The following RAB27A variants were observed in gnomAD, a reference collection of about 807,000 sequenced individuals.
RAB27A encodes the protein ras-related protein Rab-27A.
In RAB27A, 17 loss-of-function variants were observed where a neutral mutation model predicts 20.8. The ratio of observed to expected loss-of-function variants is 0.82; its 90% CI spans 0.56 to 1.23. RAB27A has a LOEUF of 1.23. Among genes scored for constraint, RAB27A ranks in the 50% most tolerant of loss-of-function variants. The pLI, the probability that RAB27A is intolerant of heterozygous loss-of-function variation, is 0.00. For synonymous variants in RAB27A, 85 were observed against 92.8 expected (o/e 0.92, Z 0.48); for missense variants, 277 against 266.7 (o/e 1.04, Z -0.27).
intron 2 of RAB27A, among the ~76,000 whole-genome samples, chr15:55,313,767 A>G (rs1338734855): frequency 6.6e-6 from 1 of 151,960 alleles, no homozygotes; most frequent in African/African-American, 2.4e-5. Flanking sequence ...AGGTCAGGAG[A>G]TCAAGACCAT....
intron 1 of RAB27A, among the ~76,000 whole-genome samples, chr15:55,275,835 T>A (rs1315181518): frequency 6.7e-6 from 1 of 148,336 alleles, no homozygotes; most frequent in Non-Finnish European, 1.5e-5. Flanking sequence ...TATGAAAAAG[T>A]GCTCGACATC....
intron 1 of RAB27A, among the ~76,000 whole-genome samples, chr15:55,272,414 A>T (rs553713003): frequency 1.1e-4 from 17 of 152,140 alleles, no homozygotes; most frequent in African/African-American, 3.6e-4. Context: ...AACAAAAACA[A>T]ACAAAAAAAA....
chr15:55,274,801 T>TATATAC (rs1897811031), intron 1 of RAB27A, among the ~76,000 whole-genome samples: 3 of 119,164 alleles, frequency 2.5e-5, no homozygotes, highest in African/African-American at 1.1e-4. Flanking sequence ...AAATTATATA[T>TATATAC]ATATATATAT....
rs548543969 is a variant in RAB27A at position 55,214,006 on chromosome 15, A to G, written c.468-8301T>C. On this transcript the variant is annotated intron_variant, in intron 6 of 6. Coordinates refer to ENST00000336787, the MANE Select transcript of RAB27A (RefSeq NM_183235.3). The stretch of plus-strand genomic sequence containing the variant: ...GTTGGGGACCACTGATTTAGAGGAT[A>G]TATGTGTAGGGACATAAGGCTATTT... Among the ~76,000 whole-genome samples, 6 of 152,230 alleles carry G rather than the reference A, an allele frequency of 3.9e-5. No individual in the cohort carries two copies. In the South Asian group the frequency reaches 1.0e-3, roughly 26 times the overall value.
intron 2 of RAB27A, among the ~76,000 whole-genome samples, chr15:55,265,953 A>G (rs1443491804): frequency 6.6e-6 from 1 of 152,220 alleles, no homozygotes. Flanking sequence ...CTCTTTATGC[A>G]GGAGAGGACC....
chr15:55,240,517 C>T (rs983144085), intron 2 of RAB27A, among the ~76,000 whole-genome samples: 14 of 152,084 alleles, frequency 9.2e-5, no homozygotes, highest in African/African-American at 3.4e-4. Context: ...GCTGTTCTAT[C>T]GTAAGTGCTT....
At chr15:55,251,130 G>A (rs534530492) in intron 2 of RAB27A, among the ~76,000 whole-genome samples, 1 of 152,278 alleles carries the variant, frequency 6.6e-6, no homozygotes, top group African/African-American at 2.4e-5. Flanking sequence ...TCAGTTGACA[G>A]CTCATTTGTA....
intron 2 of RAB27A, among the ~76,000 whole-genome samples, chr15:55,262,089 T>A (rs956516219): frequency 2.0e-5 from 3 of 151,696 alleles, no homozygotes; most frequent in Admixed American, 1.3e-4. Flanking sequence ...ATATTGTACA[T>A]CTTTCAACTT....
In RAB27A at chr15:55,275,179, G is replaced by A. The variant is rs539796685; in HGVS notation, c.-142-4895C>T. Reference sequence around the variant, plus strand: ...AGGCAGGAGAATCACTTGAACCCAGGAGGCAGAGGTTGCAGTGAGTCGAGA... The same window carrying A: ...AGGCAGGAGAATCACTTGAACCCAGAAGGCAGAGGTTGCAGTGAGTCGAGA... On this transcript the variant is annotated intron_variant, in intron 1 of 6. Coordinates refer to ENST00000336787, the MANE Select transcript of RAB27A (RefSeq NM_183235.3). Among the ~76,000 whole-genome samples, 41 of 151,748 alleles carry A rather than the reference G, an allele frequency of 2.7e-4. No homozygotes were observed. The Middle Eastern group carries it at 0.01, about 38-fold the overall frequency.
At chr15:55,217,184 T>C (rs370807065) in intron 6 of RAB27A, among the ~76,000 whole-genome samples, 6 of 152,274 alleles carry the variant, frequency 3.9e-5, no homozygotes, top group Non-Finnish European at 7.4e-5. Context: ...TAAAAATCCT[T>C]AGACTAATCA....
rs534648362 is a variant in RAB27A at position 55,221,464 on chromosome 15, C to T, written c.467+2425G>A. Among the ~76,000 whole-genome samples the T allele has an allele frequency of 2.0e-4, 31 of 152,236 alleles. No individual in the cohort carries two copies. In the South Asian group the frequency reaches 6.4e-3, roughly 32 times the overall value. Reference sequence around the variant, plus strand: ...CTTTTCCACTACGTTACATGAGTGCCTCTCAGGGGAGCAGGGGGACATTTC... The same window carrying T: ...CTTTTCCACTACGTTACATGAGTGCTTCTCAGGGGAGCAGGGGGACATTTC... On this transcript the variant is annotated intron_variant, in intron 6 of 6. Coordinates refer to ENST00000336787, the MANE Select transcript of RAB27A (RefSeq NM_183235.3).
intron 2 of RAB27A, among the ~76,000 whole-genome samples, chr15:55,257,986 G>C (rs1235428118): frequency 6.7e-6 from 1 of 149,406 alleles, no homozygotes; most frequent in African/African-American, 2.5e-5. Context: ...AGAATTGCTT[G>C]AACCTGGGAG....
chr15:55,280,530 T>TATATATATATATATATATATA (rs1555399900), intron 1 of RAB27A, among the ~76,000 whole-genome samples: 2 of 148,432 alleles, frequency 1.3e-5, no homozygotes, highest in African/African-American at 5.0e-5. Context: ...TATATATACT[T>TATATATATATATATATATATA]TAAGTTCTAG....
In RAB27A at chr15:55,253,579, C is replaced by G. The variant is rs150238888; in HGVS notation, c.-23+16586G>C. 4.2e-3 allele frequency among the ~76,000 whole-genome samples: 634 copies of G among 152,310 alleles called. 6 individuals carry two copies. The highest frequency in any genetic ancestry group is 0.014 in the African/African-American group (598 of 41,570). ...TTAGTCCCCCAAGGCCATACCTTGT[C>G]TCTGTCCTCAGCTAAGCCCAGGATA... On this transcript the variant is annotated intron_variant, in intron 2 of 6. Coordinates refer to ENST00000336787, the MANE Select transcript of RAB27A (RefSeq NM_183235.3).
intron 6 of RAB27A, among the ~76,000 whole-genome samples, chr15:55,207,750 T>C (rs146294973): frequency 6.6e-6 from 1 of 152,294 alleles, no homozygotes; most frequent in African/African-American, 2.4e-5. Flanking sequence ...TGGTGTGATA[T>C]TGGCTCATTG....
At chr15:55,223,330 G>C (rs906073929) in intron 6 of RAB27A, among the ~76,000 whole-genome samples, 2 of 151,778 alleles carry the variant, frequency 1.3e-5, no homozygotes, top group African/African-American at 2.4e-5. Flanking sequence ...TATGGTACCA[G>C]AAACCCCATC....
intron 2 of RAB27A, among the ~76,000 whole-genome samples, chr15:55,262,497 A>G (rs1015807291): frequency 2.4e-4 from 36 of 150,680 alleles, no homozygotes; most frequent in Admixed American, 4.0e-4. Context: ...AGCCGAGATC[A>G]CGCCACTGCA....
chr15:55,217,333 A>G (rs956022703), intron 6 of RAB27A, among the ~76,000 whole-genome samples: 2 of 151,968 alleles, frequency 1.3e-5, no homozygotes, highest in Non-Finnish European at 2.9e-5. Context: ...GAGCCATAGA[A>G]AAGACCCTGA....
intron 2 of RAB27A, among the ~76,000 whole-genome samples, chr15:55,236,998 C>T (rs1179727606): frequency 6.6e-6 from 1 of 152,066 alleles, no homozygotes; most frequent in Admixed American, 6.6e-5. Flanking sequence ...TCTCCGTTTC[C>T]CCCGCCAATG....
Sources: gnomAD v4.1 joint callset for allele counts (sites outside exome capture counted in the v4.1 genomes callset) on GRCh38, gnomAD v4.1.1 for gene constraint, MANE v1.5 for transcripts, NCBI Gene and HGNC (gene_info 2026-07-23, HGNC 2026-07-21) for gene names.